PDE4B: variants seen among roughly 807,000 people sequenced by gnomAD.
The protein encoded by PDE4B is 3',5'-cyclic-AMP phosphodiesterase 4B.
In PDE4B, 20 loss-of-function variants were observed where a neutral mutation model predicts 82.2. The observed-to-expected ratio is 0.24, with a 90% CI of 0.17 to 0.35. The LOEUF (loss-of-function observed/expected upper bound fraction) is 0.35. Ranked by LOEUF, PDE4B falls within the 10% of genes least tolerant of loss-of-function variation. PDE4B has a pLI of 1.00. For synonymous variants in PDE4B, 320 were observed against 318.9 expected (o/e 1.00, Z -0.04); for missense variants, 655 against 907.2 (o/e 0.72, Z 3.57).
At chr1:65,997,078 A>G (rs964629176) in intron 3 of PDE4B, among the ~76,000 whole-genome samples, 2 of 151,936 alleles carry the variant, frequency 1.3e-5, no homozygotes, top group African/African-American at 2.4e-5. Flanking sequence ...ATCATTAGCA[A>G]CTTGATGCTC....
intron 3 of PDE4B, among the ~76,000 whole-genome samples, chr1:65,947,887 T>A (rs1276603959): frequency 6.6e-6 from 1 of 150,990 alleles, no homozygotes; most frequent in Non-Finnish European, 1.5e-5. Context: ...TTAGTTTGTG[T>A]ACTTTGTTAT....
At chr1:66,087,873 T>TG (rs1553143739) in intron 3 of PDE4B, among the ~76,000 whole-genome samples, 4 of 49,706 alleles carry the variant, frequency 8.0e-5, no homozygotes, top group Non-Finnish European at 7.2e-5. Flanking sequence ...TGTTGTGGGG[T>TG]GGGGGGAGGG....
In PDE4B at chr1:66,340,998, A is replaced by G. The variant is rs962756614; in HGVS notation, c.747+8378A>G. ...ATAAATCAAACCAAAAAAGATCTAA[A>G]CATTTTCTTTCTAGTTATAGTTTTA... On this transcript the variant is annotated intron_variant, in intron 8 of 16. Coordinates refer to ENST00000341517, the MANE Select transcript of PDE4B (RefSeq NM_002600.4). Among the ~76,000 whole-genome samples, 3 of 152,204 alleles carry G rather than the reference A, an allele frequency of 2.0e-5. No homozygotes were observed. The East Asian group carries it at 5.8e-4, about 29-fold the overall frequency.
intron 8 of PDE4B, among the ~76,000 whole-genome samples, chr1:66,332,872 T>A (rs1244457651): frequency 6.6e-6 from 1 of 152,224 alleles, no homozygotes; most frequent in African/African-American, 2.4e-5. Flanking sequence ...CAGTTTGGAA[T>A]AGGTTTAAGG....
chr1:66,178,205 G>A (rs980581930), intron 3 of PDE4B, among the ~76,000 whole-genome samples: 9 of 151,758 alleles, frequency 5.9e-5, no homozygotes, highest in African/African-American at 2.2e-4. Context: ...TTATTATATT[G>A]TTTTTAAAAA....
At chr1:66,010,479 C>A (rs1054274963) in intron 3 of PDE4B, among the ~76,000 whole-genome samples, 1 of 151,684 alleles carries the variant, frequency 6.6e-6, no homozygotes, top group Non-Finnish European at 1.5e-5. Flanking sequence ...TCTCTTCCTC[C>A]CATTGTACCT....
chr1:66,087,859 G>A (rs1169881965), intron 3 of PDE4B, among the ~76,000 whole-genome samples: 1 of 126,688 alleles, frequency 7.9e-6, no homozygotes, highest in African/African-American at 3.0e-5. Flanking sequence ...CACACTCTGG[G>A]GACTGTTGTG....
At chr1:66,235,422 C>G (rs1652331454) in intron 3 of PDE4B, among the ~76,000 whole-genome samples, 1 of 152,112 alleles carries the variant, frequency 6.6e-6, no homozygotes, top group Non-Finnish European at 1.5e-5. Flanking sequence ...TTCTCAAGAA[C>G]TGACTCTTTT....
chr1:66,336,181 T>C (rs1464026186), intron 8 of PDE4B, among the ~76,000 whole-genome samples: 3 of 151,974 alleles, frequency 2.0e-5, no homozygotes, highest in African/African-American at 2.4e-5. Context: ...TAGAGGAGGA[T>C]AGGAGGAATG....
At chr1:65,987,958 A>C (rs1380695387) in intron 3 of PDE4B, among the ~76,000 whole-genome samples, 1 of 152,190 alleles carries the variant, frequency 6.6e-6, no homozygotes, top group Non-Finnish European at 1.5e-5. Flanking sequence ...AATAATTTAC[A>C]AATAATGTAC....
intron 7 of PDE4B, among the ~76,000 whole-genome samples, chr1:66,277,287 A>C (rs1305494527): frequency 6.6e-6 from 1 of 152,208 alleles, no homozygotes; most frequent in Non-Finnish European, 1.5e-5. Flanking sequence ...CATGGTAGAC[A>C]TGTAGATTTT....
intron 3 of PDE4B, among the ~76,000 whole-genome samples, chr1:66,188,697 C>A (rs1431227431): frequency 6.6e-6 from 1 of 151,676 alleles, no homozygotes; most frequent in Non-Finnish European, 1.5e-5. Flanking sequence ...GTAGATCTTC[C>A]TCCATGCCTT....
Position 65,972,578 on chromosome 1 carries a change from A to G in PDE4B, c.281+53743A>G, listed in dbSNP as rs567116876. On this transcript the variant is annotated intron_variant, in intron 3 of 16. Coordinates refer to ENST00000341517, the MANE Select transcript of PDE4B (RefSeq NM_002600.4). ...AAGTAGTTTTGGCCAAAAGGTGACAATATTCTTCAACTGGTAAGTGTGGAA... is the reference window on the plus strand; with the variant it reads ...AAGTAGTTTTGGCCAAAAGGTGACAGTATTCTTCAACTGGTAAGTGTGGAA... Among the ~76,000 whole-genome samples the G allele has an allele frequency of 1.1e-4, 16 of 152,288 alleles. No individual in the cohort carries two copies. The East Asian group carries it at 1.9e-3, about 18-fold the overall frequency.
intron 3 of PDE4B, among the ~76,000 whole-genome samples, chr1:66,138,396 G>A (rs1234774378): frequency 6.6e-6 from 1 of 152,148 alleles, no homozygotes; most frequent in Non-Finnish European, 1.5e-5. Flanking sequence ...GCGGGCACCT[G>A]TAATCCCAGC....
At chr1:65,815,147 C>T (rs889278083) in intron 1 of PDE4B, among the ~76,000 whole-genome samples, 3 of 151,514 alleles carry the variant, frequency 2.0e-5, no homozygotes, top group African/African-American at 2.4e-5. Context: ...CATGCTGGTG[C>T]GCTGCACCCA....
At chr1:65,984,670 G>A (rs1422164204) in intron 3 of PDE4B, among the ~76,000 whole-genome samples, 1 of 152,102 alleles carries the variant, frequency 6.6e-6, no homozygotes, top group Non-Finnish European at 1.5e-5. Flanking sequence ...CAGGATAATT[G>A]CTTAAACCTG....
chr1:66,087,716 T>G (rs1366022620), intron 3 of PDE4B, among the ~76,000 whole-genome samples: 1 of 151,830 alleles, frequency 6.6e-6, no homozygotes, highest in South Asian at 2.1e-4. Flanking sequence ...ATGTCCTTTG[T>G]AGGGACGTGG....
At chr1:65,916,753 C>T (rs2100469931) in intron 2 of PDE4B, among the ~76,000 whole-genome samples, 1 of 152,068 alleles carries the variant, frequency 6.6e-6, no homozygotes, top group South Asian at 2.1e-4. Flanking sequence ...TAGACACACA[C>T]ACACATGCAC....
chr1:66,004,530 A>G (rs987379667), intron 3 of PDE4B, among the ~76,000 whole-genome samples: 2 of 152,146 alleles, frequency 1.3e-5, no homozygotes, highest in African/African-American at 4.8e-5. Context: ...TTGACCATAG[A>G]ATAATCTTTT....
Sources: allele counts gnomAD v4.1 joint callset (sites outside exome capture counted in the v4.1 genomes callset), GRCh38; gene constraint gnomAD v4.1.1; transcripts MANE v1.5; gene names NCBI Gene and HGNC (gene_info 2026-07-23, HGNC 2026-07-21).